CTNNA2: variants seen among roughly 807,000 people sequenced by gnomAD.
CTNNA2 encodes the protein catenin alpha 2, also known as catenin alpha-2.
CTNNA2 carries 42 observed loss-of-function variants against 101.0 expected under a neutral mutation model. That is an observed-to-expected ratio of 0.42 (90% CI 0.32 to 0.54). CTNNA2 has a LOEUF of 0.54. Among genes scored for constraint, CTNNA2 ranks in the 20% least tolerant of loss-of-function variants. CTNNA2 has a pLI of 0.14. For synonymous variants in CTNNA2, 450 were observed against 456.4 expected (o/e 0.99, Z 0.18); for missense variants, 871 against 1,223.1 (o/e 0.71, Z 4.29).
chr2:79,796,267 A>G (rs531288669), intron 3 of CTNNA2, among the ~76,000 whole-genome samples: 2 of 152,102 alleles, frequency 1.3e-5, no homozygotes, highest in Non-Finnish European at 2.9e-5. Flanking sequence ...AATCCCTTTA[A>G]CAGCTCTTTA....
intron 7 of CTNNA2, among the ~76,000 whole-genome samples, chr2:80,239,116 G>C (rs949588504): frequency 6.6e-6 from 1 of 152,120 alleles, no homozygotes; most frequent in African/African-American, 2.4e-5. Flanking sequence ...CCAATTCTAC[G>C]TCTTCCATCC....
chr2:80,320,453 C>G (rs1287007005), intron 7 of CTNNA2, among the ~76,000 whole-genome samples: 1 of 152,186 alleles, frequency 6.6e-6, no homozygotes, highest in Non-Finnish European at 1.5e-5. Context: ...TGAGCCTTCA[C>G]CTTCTCCGAA....
intron 12 of CTNNA2, among the ~76,000 whole-genome samples, chr2:80,558,658 G>T (rs1693273137): frequency 6.6e-6 from 1 of 152,044 alleles, no homozygotes; most frequent in Non-Finnish European, 1.5e-5. Context: ...GAGCCATGTT[G>T]AATTGGCCAC....
intron 14 of CTNNA2, among the ~76,000 whole-genome samples, chr2:80,587,079 G>T (rs149341357): frequency 1.0e-3 from 155 of 152,164 alleles, no homozygotes; most frequent in African/African-American, 3.5e-3. Flanking sequence ...TGTGTAGAGT[G>T]GTTAAGAATG....
At chr2:80,125,452 G>A (rs1702060658) in intron 7 of CTNNA2, among the ~76,000 whole-genome samples, 1 of 152,134 alleles carries the variant, frequency 6.6e-6, no homozygotes, top group Non-Finnish European at 1.5e-5. Context: ...GGATAGATTA[G>A]TTTTACCAGT....
intron 4 of CTNNA2, among the ~76,000 whole-genome samples, chr2:79,404,566 T>G (rs1678322313): frequency 6.6e-6 from 1 of 152,064 alleles, no homozygotes; most frequent in African/African-American, 2.4e-5. Context: ...TTTCAAACTA[T>G]TTGAAACAAC....
intron 7 of CTNNA2, among the ~76,000 whole-genome samples, chr2:80,020,004 G>A (rs1041403855): frequency 2.0e-5 from 3 of 152,004 alleles, no homozygotes; most frequent in African/African-American, 4.8e-5. Context: ...CATGGGTCAC[G>A]CACTGTTACA....
chr2:79,203,859 G>A, intron 2 of CTNNA2, among the ~76,000 whole-genome samples: 1 of 152,130 alleles, frequency 6.6e-6, no homozygotes, highest in East Asian at 1.9e-4. Context: ...GGTGTCATTT[G>A]TTCTTCCCTG....
At chr2:80,028,191 CTT>C (rs1461249126) in intron 7 of CTNNA2, 1 of 152,098 alleles carries the variant, frequency 6.6e-6, no homozygotes, top group Non-Finnish European at 1.5e-5. Flanking sequence ...TTAAGCATGG[CTT>C]TCTGCTTTCC....
intron 7 of CTNNA2, among the ~76,000 whole-genome samples, chr2:80,117,075 A>G (rs1416629422): frequency 1.3e-5 from 2 of 152,116 alleles, no homozygotes; most frequent in Non-Finnish European, 2.9e-5. Flanking sequence ...ATTCAAGAGT[A>G]CCTTTCCACT....
intron 2 of CTNNA2, among the ~76,000 whole-genome samples, chr2:79,304,168 G>A (rs77975779): frequency 0.12 from 18,060 of 152,058 alleles, 1,407 homozygotes; most frequent in African/African-American, 0.22. Flanking sequence ...TCACACTGAG[G>A]AACTGGGAGC....
At chr2:79,752,863 C>G (rs1478099145) in intron 3 of CTNNA2, among the ~76,000 whole-genome samples, 1 of 151,874 alleles carries the variant, frequency 6.6e-6, no homozygotes, top group African/African-American at 2.4e-5. Context: ...AGAGAAGGAG[C>G]CATAATTATA....
Position 79,242,969 on chromosome 2 carries a change from A to AATATATATATAT in CTNNA2, c.-406+44907_-406+44918dup, listed in dbSNP as rs137898899. 3.7e-3 allele frequency among the ~76,000 whole-genome samples: 469 copies of AATATATATATAT among 127,294 alleles called. 6 individuals are homozygous for AATATATATATAT. The highest frequency in any genetic ancestry group is 4.6e-3 in the Non-Finnish European group (279 of 60,740). The allele number at this position is 127,294 out of a possible 152,430, so 83.5% of individuals were successfully genotyped here. A position where few individuals can be genotyped will look rare whatever the true frequency, so the allele number is the denominator to read the frequency against. ...GCAACAAAGTAAGATCCTGTCTCGA[A>AATATATATATAT]ATATATATATATATATATATATATA... On this transcript the variant is annotated intron_variant, in intron 2 of 21. Coordinates refer to the CTNNA2 transcript ENST00000466387.
At chr2:79,354,329 G>GCTT (rs1677458324) in intron 3 of CTNNA2, among the ~76,000 whole-genome samples, 1 of 151,902 alleles carries the variant, frequency 6.6e-6, no homozygotes, top group South Asian at 2.1e-4. Flanking sequence ...CATATGTTTG[G>GCTT]CTTCTGTACA....
At chr2:79,634,182 G>A (rs941074220) in intron 1 of CTNNA2, among the ~76,000 whole-genome samples, 2 of 152,196 alleles carry the variant, frequency 1.3e-5, no homozygotes, top group Non-Finnish European at 1.5e-5. Flanking sequence ...GTTGTGCTGT[G>A]TTCCCTGAAT....
chr2:79,215,373 GTC>G (rs1443845136), intron 2 of CTNNA2, among the ~76,000 whole-genome samples: 1 of 152,160 alleles, frequency 6.6e-6, no homozygotes, highest in Non-Finnish European at 1.5e-5. Flanking sequence ...GCTGGGGTTT[GTC>G]TCACAGTGGA....
chr2:80,426,286 G>A (rs1350304832), intron 9 of CTNNA2, among the ~76,000 whole-genome samples: 2 of 152,138 alleles, frequency 1.3e-5, no homozygotes, highest in Non-Finnish European at 2.9e-5. Context: ...GGGGTGGAGT[G>A]GGTGTAATTT....
chr2:79,422,796 C>G (rs1273643625), intron 4 of CTNNA2, among the ~76,000 whole-genome samples: 1 of 152,040 alleles, frequency 6.6e-6, no homozygotes, highest in Non-Finnish European at 1.5e-5. Flanking sequence ...CATCCCATGA[C>G]AAACAAGTGT....
At chr2:79,828,091 C>G (rs1009483307) in intron 3 of CTNNA2, among the ~76,000 whole-genome samples, 10 of 152,184 alleles carry the variant, frequency 6.6e-5, no homozygotes, top group African/African-American at 2.4e-4. Flanking sequence ...TAAGCAATAA[C>G]TTACATATGA....
Sources: allele counts gnomAD v4.1 joint callset (sites outside exome capture counted in the v4.1 genomes callset), GRCh38; gene constraint gnomAD v4.1.1; transcripts MANE v1.5; gene names NCBI Gene and HGNC (gene_info 2026-07-23, HGNC 2026-07-21).